Variants in TENM4 observed in about 807,000 individuals in gnomAD.
TENM4 encodes teneurin-4.
TENM4 carries 82 observed loss-of-function variants against 243.3 expected under a neutral mutation model. That is an observed-to-expected ratio of 0.34 (90% CI 0.28 to 0.40). The LOEUF (loss-of-function observed/expected upper bound fraction) is 0.40, where lower values mean the gene tolerates loss of function less well. Among genes scored for constraint, TENM4 ranks in the 10% least tolerant of loss-of-function variants. The pLI, the probability that TENM4 is intolerant of heterozygous loss-of-function variation, is 1.00. For missense variants in TENM4, 3,138 were observed against 3,673.3 expected (o/e 0.85, Z 3.77); for synonymous variants, 1,412 against 1,456.3 (o/e 0.97, Z 0.69).
intron 2 of TENM4, among the ~76,000 whole-genome samples, chr11:79,250,854 C>T (rs1855598148): frequency 6.6e-6 from 1 of 152,188 alleles, no homozygotes; most frequent in Non-Finnish European, 1.5e-5. Flanking sequence ...AATTACTTCA[C>T]AAACATGCAT....
In TENM4 at chr11:79,434,979, A is replaced by G. The variant is rs1292560980; in HGVS notation, c.-321+5530T>C. The stretch of plus-strand genomic sequence containing the variant: ...TAAATTATATCTGTCATACTATAAC[A>G]TTGGGGGTCTATGTAGCATTACAAA... On this transcript the variant is annotated intron_variant, in intron 1 of 33. Coordinates refer to ENST00000278550, the MANE Select transcript of TENM4 (RefSeq NM_001098816.3). Among the ~76,000 whole-genome samples, 4 of 152,240 alleles carry G rather than the reference A, an allele frequency of 2.6e-5. No individual in the cohort carries two copies. In the East Asian group the frequency reaches 7.7e-4, roughly 29 times the overall value.
chr11:79,188,272 G>A (rs1479260487), intron 3 of TENM4, among the ~76,000 whole-genome samples: 2 of 152,168 alleles, frequency 1.3e-5, no homozygotes, highest in Non-Finnish European at 2.9e-5. Context: ...AAGAGAAGTG[G>A]GAGATCCAAG....
intron 14 of TENM4, among the ~76,000 whole-genome samples, chr11:78,810,912 C>T (rs997096805): frequency 2.0e-5 from 3 of 152,176 alleles, no homozygotes; most frequent in Non-Finnish European, 4.4e-5. Context: ...ATGACAGGCA[C>T]ACAGCATCAT....
chr11:78,903,279 G>C lies in TENM4; in HGVS notation c.738C>G (p.Pro246=), dbSNP rs189404738. The C allele has an allele frequency of 2.2e-5, 33 of 1,491,836 alleles. No homozygotes were observed. In the East Asian group the frequency reaches 8.2e-4, roughly 37 times the overall value. 92.4% of individuals were successfully genotyped at this position (1,491,836 alleles called of 1,614,324 possible). The part of the protein sequence containing the change: ...QENWLLNSNI[P]LETRNLGKQP... ...TACCGGCCGCGCACCTGGTCTCCAG[G>C]GGGATGTTGCTGTTGAGCAGCCAGT... Residue 246 remains proline (P), a synonymous_variant, in exon 7 of 34, where the codon CCC becomes CCG. Transcript: ENST00000278550.
chr11:79,035,240 G>A (rs1480650109), intron 6 of TENM4, among the ~76,000 whole-genome samples: 1 of 152,198 alleles, frequency 6.6e-6, no homozygotes, highest in Non-Finnish European at 1.5e-5. Context: ...TGGCCATGGT[G>A]CTCATCTTGC....
chr11:78,839,844 A>T (rs1310335196), intron 12 of TENM4, among the ~76,000 whole-genome samples: 2 of 152,150 alleles, frequency 1.3e-5, no homozygotes, highest in African/African-American at 4.8e-5. Flanking sequence ...TCTGTTACTT[A>T]GTGAACACAA....
At position 78,764,218 on chromosome 11, in the gene TENM4, A is replaced by C. The variant is rs75355868; in HGVS notation, c.2539+6774T>G. 1.8e-3 allele frequency among the ~76,000 whole-genome samples: 275 copies of C among 152,362 alleles called. 7 individuals carry two copies. In the East Asian group the frequency reaches 0.028, roughly 15 times the overall value. On this transcript the variant is annotated intron_variant, in intron 18 of 33. Transcript: ENST00000278550. Reference sequence around the variant, plus strand: ...GAGCGTGCTATTAAAGATGGGGGCAAGGCCAACCTTCTCACCTTTACAAAT... The same window carrying C: ...GAGCGTGCTATTAAAGATGGGGGCACGGCCAACCTTCTCACCTTTACAAAT...
chr11:78,823,439 G>A (rs1433763760), intron 12 of TENM4, among the ~76,000 whole-genome samples: 1 of 152,212 alleles, frequency 6.6e-6, no homozygotes, highest in Non-Finnish European at 1.5e-5. Flanking sequence ...CCGTTCTCTA[G>A]TATTTGAACT....
intron 4 of TENM4, among the ~76,000 whole-genome samples, chr11:79,085,737 T>A (rs1860796141): frequency 9.7e-6 from 1 of 102,606 alleles, no homozygotes; most frequent in African/African-American, 3.7e-5. Context: ...AAGTTTCTTT[T>A]GGCTAATGTA....
chr11:78,688,333 T>C, intron 28 of TENM4, 107 bp from the exon 29 acceptor site: 1 of 1,248,384 alleles, frequency 8.0e-7, no homozygotes, highest in Non-Finnish European at 1.1e-6. Flanking sequence ...TGCTTTTCTT[T>C]CTGGCTGGAT....
chr11:79,261,357 G>A (rs1223061756), intron 2 of TENM4, among the ~76,000 whole-genome samples: 1 of 152,182 alleles, frequency 6.6e-6, no homozygotes, highest in Middle Eastern at 3.2e-3. Flanking sequence ...CAGGGGCTGT[G>A]GAATGGACAT....
Position 79,092,258 on chromosome 11 carries a change from G to A in TENM4, c.-65-22249C>T, listed in dbSNP as rs1293782903. ...CAGACTGACTTTCAAAGTAATGAGT[G>A]TACGTACATGTTCTTGACACAGGTT... On this transcript the variant is annotated intron_variant, in intron 4 of 33. Coordinates refer to ENST00000278550, the MANE Select transcript of TENM4 (RefSeq NM_001098816.3). Among the ~76,000 whole-genome samples the A allele has an allele frequency of 4.6e-5, 7 of 152,204 alleles. No individual in the cohort carries two copies. The South Asian group carries it at 6.2e-4, about 14-fold the overall frequency.
At chr11:79,176,277 C>T (rs1863157327) in intron 3 of TENM4, among the ~76,000 whole-genome samples, 1 of 152,154 alleles carries the variant, frequency 6.6e-6, no homozygotes, top group South Asian at 2.1e-4. Flanking sequence ...CAGTGAGATG[C>T]TGATCCAACA....
At chr11:78,780,448 T>C (rs1783948) in intron 16 of TENM4, among the ~76,000 whole-genome samples, 79,924 of 152,102 alleles carry the variant, frequency 0.53, 24,299 homozygotes, top group Non-Finnish European at 0.69. Context: ...TAAGTTCTTA[T>C]AATAACTCTG....
chr11:78,689,500 T>C (rs994635586), intron 28 of TENM4, among the ~76,000 whole-genome samples: 2 of 152,106 alleles, frequency 1.3e-5, no homozygotes, highest in Non-Finnish European at 2.9e-5. Context: ...TGTTTTGTTT[T>C]TACCTCTGGG....
chr11:79,326,145 C>A (rs1856972099), intron 1 of TENM4, among the ~76,000 whole-genome samples: 8 of 152,190 alleles, frequency 5.3e-5, no homozygotes, highest in Admixed American at 5.2e-4. Context: ...AAAGTCCCAC[C>A]TCTCTGAAGT....
chr11:78,861,129 A>T (rs1456357191), intron 10 of TENM4, among the ~76,000 whole-genome samples: 3 of 152,238 alleles, frequency 2.0e-5, no homozygotes, highest in Non-Finnish European at 4.4e-5. Flanking sequence ...CAGTCTTCAC[A>T]TTATGGTATT....
At chr11:78,987,798 A>G (rs955977156) in intron 6 of TENM4, among the ~76,000 whole-genome samples, 1 of 152,194 alleles carries the variant, frequency 6.6e-6, no homozygotes, top group African/African-American at 2.4e-5. Flanking sequence ...TCTAATCTTC[A>G]TTACAACTCA....
At chr11:78,903,702 T>C (rs1031943572) in intron 6 of TENM4, 179 bp from the exon 7 acceptor site, 15 of 1,041,904 alleles carry the variant, frequency 1.4e-5, no homozygotes, top group Non-Finnish European at 1.7e-5. Context: ...TTCTAGGTGC[T>C]AGGGATACCT....
Sources: allele counts gnomAD v4.1 joint callset (sites outside exome capture counted in the v4.1 genomes callset), GRCh38; gene constraint gnomAD v4.1.1; transcripts MANE v1.5; gene names NCBI Gene and HGNC (gene_info 2026-07-23, HGNC 2026-07-21).